The following SSH2 variants were observed in gnomAD, a reference collection of about 807,000 sequenced individuals.
SSH2 encodes slingshot protein phosphatase 2, also known as protein phosphatase Slingshot homolog 2.
SSH2 carries 37 observed loss-of-function variants against 135.2 expected under a neutral mutation model. That is an observed-to-expected ratio of 0.27 (90% CI 0.21 to 0.36). SSH2 has a LOEUF of 0.36. Ranked by LOEUF, SSH2 falls within the 10% of genes least tolerant of loss-of-function variation. The pLI is 1.00. For synonymous variants in SSH2, 628 were observed against 646.2 expected (o/e 0.97, Z 0.43); for missense variants, 1,408 against 1,765.3 (o/e 0.80, Z 3.63).
chr17:29,653,490 T>C (rs1404920997), intron 12 of SSH2, among the ~76,000 whole-genome samples: 4 of 152,222 alleles, frequency 2.6e-5, no homozygotes, highest in Non-Finnish European at 5.9e-5. Context: ...TAAATTCATA[T>C]GTATATATGA....
intron 1 of SSH2, among the ~76,000 whole-genome samples, chr17:29,849,409 G>A (rs932911641): frequency 6.7e-6 from 1 of 150,174 alleles, no homozygotes; most frequent in Non-Finnish European, 1.5e-5. Flanking sequence ...AACCCGGAAG[G>A]CTGAGCTTGC....
chr17:29,770,951 T>C (rs992751676), intron 3 of SSH2, among the ~76,000 whole-genome samples: 1 of 152,178 alleles, frequency 6.6e-6, no homozygotes, highest in Non-Finnish European at 1.5e-5. Flanking sequence ...TAAAATCCTG[T>C]GTAGGTAAGG....
intron 3 of SSH2, among the ~76,000 whole-genome samples, chr17:29,780,239 AC>A (rs1187931000): frequency 2.6e-5 from 4 of 151,904 alleles, no homozygotes; most frequent in Non-Finnish European, 4.4e-5. Context: ...CAACAAAAAA[AC>A]CCTCTGTTTC....
chr17:29,773,517 C>T (rs2041632064), intron 3 of SSH2, among the ~76,000 whole-genome samples: 1 of 152,154 alleles, frequency 6.6e-6, no homozygotes, highest in Non-Finnish European at 1.5e-5. Flanking sequence ...ACAAATAATA[C>T]TAATCTTCAA....
intron 1 of SSH2, among the ~76,000 whole-genome samples, chr17:29,927,151 A>G (rs1247342555): frequency 2.0e-5 from 3 of 152,206 alleles, no homozygotes; most frequent in African/African-American, 7.2e-5. Context: ...GACCCAAGAA[A>G]TGTTAGATAT....
At chr17:29,736,711 C>T (rs757477754) in intron 3 of SSH2, among the ~76,000 whole-genome samples, 3 of 134,374 alleles carry the variant, frequency 2.2e-5, no homozygotes, top group African/African-American at 8.5e-5. Flanking sequence ...TGCTTTAACC[C>T]GGGAGGCGGA....
intron 3 of SSH2, among the ~76,000 whole-genome samples, chr17:29,740,664 G>A (rs974255761): frequency 6.6e-6 from 1 of 152,068 alleles, no homozygotes; most frequent in Non-Finnish European, 1.5e-5. Flanking sequence ...AATATATCAA[G>A]TGCTTTCTAT....
chr17:29,756,225 A>G (rs1027165087), intron 3 of SSH2, among the ~76,000 whole-genome samples: 1 of 150,500 alleles, frequency 6.6e-6, no homozygotes, highest in African/African-American at 2.4e-5. Context: ...GTGAGCCCAG[A>G]TCACTCCAGC....
Position 29,631,515 on chromosome 17 carries a change from G to C in SSH2, c.3679C>G (p.Gln1227Glu), listed in dbSNP as rs187662512. 4.3e-6 allele frequency: 7 copies of C among 1,614,166 alleles called. No homozygotes were observed. The East Asian group carries it at 1.3e-4, about 31-fold the overall frequency. The change falls in exon 16 of 16, where the codon CAG (glutamine) becomes GAG (glutamate). Residue 1227 changes from glutamine (Q) to glutamate (E), a missense_variant. Transcript: ENST00000540801. ...ACAGGCAATGGGTCCATTTTCTCCT[G>C]TAACTCCCCAGTGTTGTCACCAAGT... ...SKLGDNTGELQEKMDPLPVAC... is the reference protein window; with the variant it reads ...SKLGDNTGELEEKMDPLPVAC...
At chr17:29,841,345 T>C (rs1251501632) in intron 2 of SSH2, among the ~76,000 whole-genome samples, 3 of 152,350 alleles carry the variant, frequency 2.0e-5, no homozygotes, top group African/African-American at 7.2e-5. Flanking sequence ...TCTTTAATTA[T>C]TTTTTCTTTA....
At chr17:29,767,185 T>C (rs991616114) in intron 3 of SSH2, among the ~76,000 whole-genome samples, 2 of 152,106 alleles carry the variant, frequency 1.3e-5, no homozygotes, top group Non-Finnish European at 2.9e-5. Flanking sequence ...CATCCCCCCA[T>C]AGTCTTAAAC....
chr17:29,804,266 A>G (rs2042301411), intron 2 of SSH2, among the ~76,000 whole-genome samples: 1 of 152,220 alleles, frequency 6.6e-6, no homozygotes, highest in South Asian at 2.1e-4. Context: ...ATAATTTTCA[A>G]GCAATAGAAA....
intron 11 of SSH2, among the ~76,000 whole-genome samples, chr17:29,657,947 A>C (rs907114715): frequency 6.6e-6 from 1 of 150,638 alleles, no homozygotes; most frequent in African/African-American, 2.4e-5. Context: ...TAATATTGAC[A>C]TATCGACATT....
chr17:29,779,910 A>T (rs1224586127), intron 3 of SSH2, among the ~76,000 whole-genome samples: 2 of 149,114 alleles, frequency 1.3e-5, no homozygotes, highest in African/African-American at 4.9e-5. Context: ...TTTGTTTAAA[A>T]ACAACAACAA....
chr17:29,631,930 G>A lies in SSH2; in HGVS notation c.3264C>T (p.Asn1088=). 1.2e-6 allele frequency: 2 copies of A among 1,614,140 alleles called. No individual in the cohort carries two copies. The highest frequency in any genetic ancestry group is 2.2e-5 in the South Asian group (2 of 91,084). Residue 1088 remains asparagine (N), a synonymous_variant, in exon 16 of 16, where the codon AAC becomes AAT. Transcript: ENST00000540801. ...AAACCTGGTTGGGGTCCAGAGTCCT[G>A]TTTAGATTTTCATCCAGTGTGCAGA... ...TVLCTLDENL[N]RTLDPNQVSL...
At chr17:29,845,582 C>T (rs1289567234) in intron 2 of SSH2, among the ~76,000 whole-genome samples, 1 of 152,148 alleles carries the variant, frequency 6.6e-6, no homozygotes, top group Non-Finnish European at 1.5e-5. Flanking sequence ...TCTATAAATA[C>T]ATATACCCAA....
In SSH2 at chr17:29,696,555, C is replaced by T. The variant is rs182686924; in HGVS notation, c.293-1032G>A. On this transcript the variant is annotated intron_variant, in intron 4 of 15. Transcript: ENST00000540801. The stretch of plus-strand genomic sequence containing the variant: ...GCTAGAGCTTGCAGAGCCAAGATTG[C>T]GCTACTGCACTCCAGCCTGGGCGAC... 4.2e-4 allele frequency among the ~76,000 whole-genome samples: 61 copies of T among 144,556 alleles called. No homozygotes were observed. In the East Asian group the frequency reaches 6.6e-3, roughly 16 times the overall value. The allele number at this position is 144,556 out of a possible 152,430, so 94.8% of individuals were successfully genotyped here.
At chr17:29,851,395 G>A (rs907489799) in intron 1 of SSH2, among the ~76,000 whole-genome samples, 2 of 151,696 alleles carry the variant, frequency 1.3e-5, no homozygotes, top group Non-Finnish European at 2.9e-5. Flanking sequence ...GTTCAAGACC[G>A]GCCTGGCCAA....
Position 29,631,295 on chromosome 17 carries a change from A to G in SSH2, c.3899T>C (p.Leu1300Ser). The G allele has an allele frequency of 6.2e-7, 1 of 1,614,150 alleles. No homozygotes were observed. The highest frequency in any genetic ancestry group is 8.5e-7 in the Non-Finnish European group (1 of 1,180,032). ...LGYLDLCKDC[L>S]PEREPASCES... Reference sequence around the variant, plus strand: ...ACAGGAGGCAGGCTCCCTCTCTGGTAAGCAGTCTTTACAGAGGTCCAAGTA... The same window carrying G: ...ACAGGAGGCAGGCTCCCTCTCTGGTGAGCAGTCTTTACAGAGGTCCAAGTA... The change falls in exon 16 of 16, where the codon TTA becomes TCA. Residue 1300 changes from leucine to serine, a missense_variant. This residue lies in a region of SSH2 where 1,080 missense variants were observed against 1,144.5 expected (regional missense o/e 0.94). Coordinates refer to ENST00000540801, the MANE Select transcript of SSH2 (RefSeq NM_001282129.2).
Sources: allele counts gnomAD v4.1 joint callset (sites outside exome capture counted in the v4.1 genomes callset), GRCh38; gene constraint gnomAD v4.1.1; regional missense constraint gnomAD v4.1.1; transcripts MANE v1.5; gene names NCBI Gene and HGNC (gene_info 2026-07-23, HGNC 2026-07-21).